The following RNF170 variants were observed in gnomAD, a reference collection of about 807,000 sequenced individuals.
RNF170 encodes E3 ubiquitin-protein ligase RNF170.
A neutral mutation model predicts 32.7 loss-of-function variants in RNF170; 12 were observed. The ratio of observed to expected loss-of-function variants is 0.37; its 90% confidence interval spans 0.24 to 0.60. The LOEUF (loss-of-function observed/expected upper bound fraction) is 0.60. Among genes scored for constraint, RNF170 ranks in the 20% least tolerant of loss-of-function variants. The pLI, the probability that RNF170 is intolerant of heterozygous loss-of-function variation, is 0.72. For missense variants in RNF170, 212 were observed against 311.2 expected (o/e 0.68, Z 2.40); for synonymous variants, 91 against 103.6 (o/e 0.88, Z 0.74).
chr8:42,882,550 A>G (rs751990567), intron 2 of RNF170, among the ~76,000 whole-genome samples: 24 of 152,200 alleles, frequency 1.6e-4, no homozygotes, highest in Non-Finnish European at 3.2e-4. Context: ...AAAAGAAGGA[A>G]ATTCTAATAC....
intron 1 of RNF170, among the ~76,000 whole-genome samples, chr8:42,891,968 T>G (rs574471449): frequency 1.3e-5 from 2 of 152,272 alleles, no homozygotes; most frequent in South Asian, 4.1e-4. Flanking sequence ...AAGCCAATAC[T>G]TGCTTCCTCT....
At chr8:42,875,232 T>C (rs1158417669) in intron 2 of RNF170, among the ~76,000 whole-genome samples, 2 of 151,796 alleles carry the variant, frequency 1.3e-5, no homozygotes, top group South Asian at 4.2e-4. Context: ...GGGTGAAGCG[T>C]TACATGTTAT....
At chr8:42,888,430 TG>T (rs1563274890) in intron 1 of RNF170, among the ~76,000 whole-genome samples, 1 of 151,890 alleles carries the variant, frequency 6.6e-6, no homozygotes, top group Non-Finnish European at 1.5e-5. Context: ...TTTTTAAAAA[TG>T]TTTTTTCCTC....
chr8:42,873,449 G>A (rs1161972109), intron 3 of RNF170, among the ~76,000 whole-genome samples: 1 of 151,752 alleles, frequency 6.6e-6, no homozygotes, highest in African/African-American at 2.4e-5. Flanking sequence ...TTAGAGATTC[G>A]ATCTGGTAAA....
intron 1 of RNF170, 71 bp downstream of exon 1, chr8:42,896,413 G>A (rs1356707106): frequency 1.1e-5 from 5 of 451,556 alleles, no homozygotes; most frequent in Non-Finnish European, 2.2e-5. Flanking sequence ...ACCCCAAGAA[G>A]GCCAGACCCC....
intron 4 of RNF170, among the ~76,000 whole-genome samples, chr8:42,868,851 C>CA (rs56822241): frequency 0.034 from 2,537 of 73,540 alleles, 64 homozygotes; most frequent in African/African-American, 0.084. Flanking sequence ...GACTGCATTT[C>CA]AAAAAAAAAA....
At chr8:42,859,294 A>T (rs1187398224) in intron 6 of RNF170, among the ~76,000 whole-genome samples, 3 of 152,214 alleles carry the variant, frequency 2.0e-5, no homozygotes, top group Admixed American at 6.5e-5. Flanking sequence ...GGTTGCCGTG[A>T]GCAGAGATGA....
intron 5 of RNF170, among the ~76,000 whole-genome samples, chr8:42,864,441 T>A (rs1241068463): frequency 1.3e-5 from 2 of 152,130 alleles, no homozygotes; most frequent in African/African-American, 4.8e-5. Flanking sequence ...TAAAGGAAAT[T>A]ATGAAAAACA....
rs1418439332 is a variant in RNF170, at chr8:42,870,023, G to A, written c.303C>T (p.Asn101=). 1 of 1,613,574 alleles carries A rather than the reference G, an allele frequency of 6.2e-7. No homozygotes were observed. Among genetic ancestry groups the A allele is most frequent in the Admixed American group, 1.7e-5 (1 of 60,000 alleles). ...LHQASFPVET[N]CGHLFCGACI... ...GCTTACCACAAAAAAGATGTCCACA[G>A]TTGGTCTCCACCGGGAAGGAGGCTT... Residue 101 remains asparagine, a synonymous_variant, in exon 4 of 7, where the codon AAC becomes AAT. Transcript: ENST00000527424.
intron 1 of RNF170, among the ~76,000 whole-genome samples, chr8:42,888,685 G>A (rs148933627): frequency 0.015 from 2,351 of 152,194 alleles, 29 homozygotes; most frequent in Non-Finnish European, 0.021. Context: ...TTGAACCTGG[G>A]AGGCAGAGGT....
In RNF170 at chr8:42,874,030, T is replaced by C. The variant is rs746706502; in HGVS notation, c.138-24A>G. The C allele has an allele frequency of 2.9e-6, 4 of 1,381,886 alleles. No homozygotes were observed. In the African/African-American group the frequency reaches 5.7e-5, roughly 20 times the overall value. 85.6% of individuals were successfully genotyped at this position (1,381,886 alleles called of 1,614,324 possible). A position where few individuals can be genotyped will look rare whatever the true frequency, so the allele number is the denominator to read the frequency against. ...TTCTGTTGAATAGAATATAATAAAT[T>C]TTGAATAGAAAATATTATCATATGA... On this transcript the variant is annotated intron_variant, in intron 2 of 6. Coordinates refer to ENST00000527424, the MANE Select transcript of RNF170 (RefSeq NM_030954.4).
At chr8:42,888,021 T>A in intron 1 of RNF170, 150 bp from the exon 2 acceptor site, 1 of 705,910 alleles carries the variant, frequency 1.4e-6, no homozygotes, top group Non-Finnish European at 2.4e-6. Context: ...ACTGATGGAG[T>A]TCTTTAAAAT....
chr8:42,871,163 T>C (rs565235639), intron 3 of RNF170, among the ~76,000 whole-genome samples: 99 of 150,960 alleles, frequency 6.6e-4, no homozygotes, highest in African/African-American at 2.3e-3. Flanking sequence ...TGAGCCGAGA[T>C]CACACCGCTA....
chr8:42,863,600 C>T lies in RNF170; in HGVS notation c.397-1745G>A, dbSNP rs918358217. Among the ~76,000 whole-genome samples, 27 of 152,132 alleles carry T rather than the reference C, an allele frequency of 1.8e-4. 1 individual carries two copies. Among genetic ancestry groups the T allele is most frequent in the Admixed American group, 9.8e-4 (15 of 15,270 alleles). ...GGGACTACAGGTGTGCGCCACCATG[C>T]GCAGCTAATTTTTGTATATTTAGTA... On this transcript the variant is annotated intron_variant, in intron 5 of 6. Coordinates refer to ENST00000527424, the MANE Select transcript of RNF170 (RefSeq NM_030954.4).
intron 2 of RNF170, among the ~76,000 whole-genome samples, chr8:42,884,999 G>C (rs1478754424): frequency 6.7e-6 from 1 of 149,532 alleles, no homozygotes; most frequent in African/African-American, 2.5e-5. Context: ...ACCGCGCCCT[G>C]CCTCTCTTTT....
At position 42,853,742 on chromosome 8, in the gene RNF170, T is replaced by C; in HGVS notation, c.*2417A>G. 1.6e-6 allele frequency: 2 copies of C among 1,287,212 alleles called. No homozygotes were observed. Among genetic ancestry groups the C allele is most frequent in the Non-Finnish European group, 2.0e-6 (2 of 988,648 alleles). 79.7% of individuals were successfully genotyped at this position (1,287,212 alleles called of 1,614,324 possible). A position where few individuals can be genotyped will look rare whatever the true frequency, so the allele number is the denominator to read the frequency against. ...AACTCTCAGATCCCTTCTGCATTTA[T>C]CATCAGAGATCGGTAAAGATGACAA... is the stretch of plus-strand genomic sequence containing the variant. On this transcript the variant is annotated 3_prime_UTR_variant, in exon 7 of 7. Coordinates refer to ENST00000527424, the MANE Select transcript of RNF170 (RefSeq NM_030954.4).
intron 2 of RNF170, among the ~76,000 whole-genome samples, chr8:42,878,719 A>C (rs1805151194): frequency 6.6e-6 from 1 of 152,254 alleles, no homozygotes; most frequent in African/African-American, 2.4e-5. Flanking sequence ...ACGCTCAACA[A>C]CACATTTTTA....
downstream of RNF170, among the ~76,000 whole-genome samples, chr8:42,851,733 G>A (rs1168365843): frequency 9.3e-6 from 1 of 107,552 alleles, no homozygotes; most frequent in Non-Finnish European, 1.9e-5. Flanking sequence ...TTCACTTCTG[G>A]GCCCAAGTGA....
At position 42,855,644 on chromosome 8, in the gene RNF170, G is replaced by T. The variant is rs1259313101; in HGVS notation, c.*515C>A. On this transcript the variant is annotated 3_prime_UTR_variant, in exon 7 of 7. Transcript: ENST00000527424. The stretch of plus-strand genomic sequence containing the variant: ...ATAATTAATTATACCAGAATGAAAA[G>T]GCAGAACTGCTCCAAATGCACAAAA... The T allele has an allele frequency of 4.2e-5, 54 of 1,285,306 alleles. No individual in the cohort carries two copies. Among genetic ancestry groups the T allele is most frequent in the Non-Finnish European group, 5.3e-5 (52 of 987,054 alleles). The allele number at this position is 1,285,306 out of a possible 1,614,324, so 79.6% of individuals were successfully genotyped here.
Sources: allele counts gnomAD v4.1 joint callset (sites outside exome capture counted in the v4.1 genomes callset), GRCh38; gene constraint gnomAD v4.1.1; transcripts MANE v1.5; gene names NCBI Gene and HGNC (gene_info 2026-07-23, HGNC 2026-07-21).